The following PDE12 variants were observed in gnomAD, a reference collection of about 807,000 sequenced individuals.
PDE12 encodes phosphodiesterase 12.
A neutral mutation model predicts 45.4 loss-of-function variants in PDE12; 26 were observed. The observed-to-expected ratio is 0.57, with a 90% CI of 0.42 to 0.79. The LOEUF (loss-of-function observed/expected upper bound fraction) is 0.79, where lower values mean the gene tolerates loss of function less well. PDE12 is among the 30% of genes least tolerant of loss of function. The pLI, the probability that PDE12 is intolerant of heterozygous loss-of-function variation, is 0.00. For synonymous variants in PDE12, 283 were observed against 323.9 expected, an observed-to-expected ratio of 0.87 and a Z score of 1.36; for missense variants, 668 against 790.0, an observed-to-expected ratio of 0.85 and a Z score of 1.85.
At chr3:57,638,651 C>T in the PDE12 span, among the ~76,000 whole-genome samples, 10 of 151,548 alleles carry the variant, frequency 6.6e-5, no homozygotes, top group Non-Finnish European at 8.8e-5. Flanking sequence ...GGTGAGACTC[C>T]GTTTCAAAAA....
At chr3:57,618,627 T>TTTTTTTTAG in the PDE12 span, among the ~76,000 whole-genome samples, 1 of 136,844 alleles carries the variant, frequency 7.3e-6, no homozygotes, top group East Asian at 2.7e-4. Flanking sequence ...TTTTTTTTTT[T>TTTTTTTTAG]GAGATGGAGT....
the PDE12 span, among the ~76,000 whole-genome samples, chr3:57,590,371 A>C: frequency 6.6e-6 from 1 of 151,302 alleles, no homozygotes; most frequent in African/African-American, 2.4e-5. Flanking sequence ...CTGTAATCCC[A>C]GCTACTTGGG....
chr3:57,595,893 G>T, the PDE12 span, among the ~76,000 whole-genome samples: 1 of 151,936 alleles, frequency 6.6e-6, no homozygotes, highest in African/African-American at 2.4e-5. Context: ...GGAGGTTGCA[G>T]TGAGCCGAGA....
the PDE12 span, chr3:57,572,330 A>G: frequency 6.6e-7 from 1 of 1,525,028 alleles, no homozygotes; most frequent in Non-Finnish European, 9.1e-7. Flanking sequence ...ATACTTGATT[A>G]ACAAAGTTAA....
In PDE12 at chr3:57,563,389, A is replaced by G. The variant is rs769144432; in HGVS notation, c.*3385A>G. On this transcript the variant is annotated 3_prime_UTR_variant, in exon 3 of 3. Transcript: ENST00000311180. ...TATTATACTTTAAGTTCTAGTGTACATGTGCCCAACGTGCAGATTTGTTAC... is the reference window on the plus strand; with the variant it reads ...TATTATACTTTAAGTTCTAGTGTACGTGTGCCCAACGTGCAGATTTGTTAC... 3 of 152,100 alleles carry G rather than the reference A, an allele frequency of 2.0e-5. No individual in the cohort carries two copies. The highest frequency in any genetic ancestry group is 7.2e-5 in the African/African-American group (3 of 41,426). 9.4% of individuals were successfully genotyped at this position (152,100 alleles called of 1,614,324 possible).
the PDE12 span, among the ~76,000 whole-genome samples, chr3:57,621,794 TA>T: frequency 6.8e-6 from 1 of 146,192 alleles, no homozygotes; most frequent in African/African-American, 2.5e-5. Context: ...AAAGACACTT[TA>T]AAAAATGAAA....
the PDE12 span, among the ~76,000 whole-genome samples, chr3:57,652,535 A>G: frequency 6.6e-6 from 1 of 152,368 alleles, no homozygotes; most frequent in South Asian, 2.1e-4. Context: ...AACTGTGTGA[A>G]ATAATGTTTG....
At chr3:57,596,898 G>C in the PDE12 span, 4 of 630,256 alleles carry the variant, frequency 6.3e-6, no homozygotes, top group Non-Finnish European at 1.1e-5. Context: ...ATCGGGGGCG[G>C]GGGGGATCGC....
At chr3:57,558,918 C>T (rs2069695767) in intron 1 of PDE12, among the ~76,000 whole-genome samples, 1 of 151,724 alleles carries the variant, frequency 6.6e-6, no homozygotes, top group South Asian at 2.1e-4. Flanking sequence ...GTTAGTTCGC[C>T]ATTAGTCTTA....
the PDE12 span, chr3:57,597,263 G>A: frequency 1.0e-6 from 1 of 978,074 alleles, no homozygotes; most frequent in Non-Finnish European, 1.6e-6. Flanking sequence ...GAAGAAAGAG[G>A]GAGGCAGAAA....
At chr3:57,570,048 T>C (rs149882026), downstream of PDE12, among the ~76,000 whole-genome samples, 3 of 152,116 alleles carry the variant, frequency 2.0e-5, no homozygotes, top group Non-Finnish European at 2.9e-5. Context: ...AATTATACTA[T>C]AGTTCAGTTT....
At chr3:57,628,470 A>G in the PDE12 span, 1 of 1,329,628 alleles carries the variant, frequency 7.5e-7, no homozygotes, top group South Asian at 1.7e-5. Flanking sequence ...ACCAGAAATT[A>G]CAGAAACTAA....
chr3:57,620,942 A>C, the PDE12 span, among the ~76,000 whole-genome samples: 1 of 152,188 alleles, frequency 6.6e-6, no homozygotes. Flanking sequence ...TCAAAATCCC[A>C]GCAGGAATTT....
At chr3:57,593,801 C>A in the PDE12 span, among the ~76,000 whole-genome samples, 1 of 152,006 alleles carries the variant, frequency 6.6e-6, no homozygotes, top group Non-Finnish European at 1.5e-5. Flanking sequence ...TTTTCGAGGC[C>A]GAGGTGGGCG....
chr3:57,597,581 C>G, the PDE12 span: 1 of 159,532 alleles, frequency 6.3e-6, no homozygotes, highest in Non-Finnish European at 1.4e-5. Flanking sequence ...GCCCCAGGAG[C>G]CGGGAGAGGC....
At chr3:57,573,859 G>A in the PDE12 span, among the ~76,000 whole-genome samples, 1 of 152,218 alleles carries the variant, frequency 6.6e-6, no homozygotes, top group Non-Finnish European at 1.5e-5. Flanking sequence ...TGGGATTACA[G>A]GTGTGAGCCA....
the PDE12 span, chr3:57,627,978 T>C: frequency 2.3e-6 from 1 of 435,368 alleles, no homozygotes. Context: ...TGATTAAAAA[T>C]ATAGAAATGC....
At chr3:57,631,659 C>T in the PDE12 span, among the ~76,000 whole-genome samples, 1 of 151,640 alleles carries the variant, frequency 6.6e-6, no homozygotes, top group Admixed American at 6.6e-5. Flanking sequence ...AATAACCTGA[C>T]CAAGGTAATA....
rs1465463367 is a variant in PDE12, at chr3:57,563,251, A to G, written c.*3247A>G. ...CAGTGGTGCAGTCATAACTTACTAC[A>G]GCCTCAAACTGCGGGGCTCAAATGA... On this transcript the variant is annotated 3_prime_UTR_variant, in exon 3 of 3. Transcript: ENST00000311180. The G allele has an allele frequency of 1.3e-5, 2 of 152,282 alleles. No individual in the cohort carries two copies. The highest frequency in any genetic ancestry group is 6.5e-5 in the Admixed American group (1 of 15,292). The allele number at this position is 152,282 out of a possible 1,614,324, so 9.4% of individuals were successfully genotyped here. A position where few individuals can be genotyped will look rare whatever the true frequency, so the allele number is the denominator to read the frequency against.
Sources: allele counts gnomAD v4.1 joint callset (sites outside exome capture counted in the v4.1 genomes callset), GRCh38; gene constraint gnomAD v4.1.1; transcripts MANE v1.5; gene names NCBI Gene and HGNC (gene_info 2026-07-23, HGNC 2026-07-21).